Variants in DPP6 observed in about 807,000 individuals in gnomAD.
DPP6 encodes A-type potassium channel modulatory protein DPP6.
DPP6 carries 69 observed loss-of-function variants against 122.6 expected under a neutral mutation model. That is an observed-to-expected ratio of 0.56 (90% CI 0.46 to 0.69). The LOEUF is 0.69. Among genes scored for constraint, DPP6 ranks in the 30% least tolerant of loss-of-function variants. The probability of loss-of-function intolerance (pLI) is 0.00; values close to 1 mark genes in which losing one functional copy is unlikely to be tolerated. For missense variants in DPP6, 928 were observed against 1,116.9 expected (o/e 0.83, Z 2.41); for synonymous variants, 418 against 433.1 (o/e 0.97, Z 0.43).
At chr7:154,193,582 A>G (rs1211417214) in intron 1 of DPP6, among the ~76,000 whole-genome samples, 1 of 152,150 alleles carries the variant, frequency 6.6e-6, no homozygotes, top group East Asian at 1.9e-4. Context: ...CAGCACCTGC[A>G]GGTGAGAGGT....
the DPP6 span, among the ~76,000 whole-genome samples, chr7:153,798,163 C>T: frequency 2.6e-5 from 4 of 152,096 alleles, no homozygotes; most frequent in Non-Finnish European, 5.9e-5. Context: ...CTTAGAAGGG[C>T]GCTAATCCCA....
chr7:153,799,161 G>A, the DPP6 span, among the ~76,000 whole-genome samples: 3 of 152,246 alleles, frequency 2.0e-5, no homozygotes, highest in South Asian at 2.1e-4. Flanking sequence ...AGCTGCCAAC[G>A]GTATGAATGA....
chr7:154,267,964 C>T (rs1181345933), intron 1 of DPP6, among the ~76,000 whole-genome samples: 1 of 150,342 alleles, frequency 6.7e-6, no homozygotes, highest in Non-Finnish European at 1.5e-5. Flanking sequence ...AACACATATA[C>T]ACACGTATAT....
chr7:154,772,824 C>T, intron 9 of DPP6, 21 bp from the exon 10 acceptor site: 1 of 1,607,580 alleles, frequency 6.2e-7, no homozygotes, highest in Non-Finnish European at 8.5e-7. Flanking sequence ...GTTCATGTCT[C>T]TGCCCCTTTT....
chr7:154,614,293 A>G (rs1834094461), intron 5 of DPP6, among the ~76,000 whole-genome samples: 1 of 152,154 alleles, frequency 6.6e-6, no homozygotes. Context: ...GATTGGTTTA[A>G]TTATGGGAGG....
chr7:153,808,854 G>A, the DPP6 span, among the ~76,000 whole-genome samples: 642 of 152,150 alleles, frequency 4.2e-3, 13 homozygotes, highest in African/African-American at 0.014. Flanking sequence ...GAGCATGGGA[G>A]TGCAGTTATC....
chr7:153,802,009 A>G, the DPP6 span, among the ~76,000 whole-genome samples: 1 of 152,222 alleles, frequency 6.6e-6, no homozygotes, highest in Non-Finnish European at 1.5e-5. Context: ...AACTTTGGAA[A>G]GTCAAAATGA....
At chr7:154,361,603 CAAAA>C (rs34342809) in intron 1 of DPP6, among the ~76,000 whole-genome samples, 1 of 57,966 alleles carries the variant, frequency 1.7e-5, no homozygotes, top group African/African-American at 5.1e-5. Flanking sequence ...AATTGCTAGC[CAAAA>C]AAAAAAAAAA....
the DPP6 span, among the ~76,000 whole-genome samples, chr7:153,786,656 G>A: frequency 2.7e-5 from 4 of 149,390 alleles, no homozygotes; most frequent in South Asian, 2.2e-4. Context: ...GGAGAATGGC[G>A]TGAACCCGGG....
chr7:154,134,037 T>G (rs1214831492), intron 1 of DPP6, among the ~76,000 whole-genome samples: 1 of 151,600 alleles, frequency 6.6e-6, no homozygotes, highest in Admixed American at 6.6e-5. Flanking sequence ...AAAGGCTAAT[T>G]TGGTTTTCCA....
chr7:154,640,217 C>T (rs1835984043), intron 6 of DPP6, among the ~76,000 whole-genome samples: 1 of 151,730 alleles, frequency 6.6e-6, no homozygotes. Context: ...TGCACCACTG[C>T]ACTCCAGCCT....
chr7:153,975,058 A>G (rs1371199807), intron 1 of DPP6, among the ~76,000 whole-genome samples: 3 of 152,196 alleles, frequency 2.0e-5, no homozygotes, highest in Non-Finnish European at 4.4e-5. Context: ...TTTACTTAGC[A>G]AATACTAAAT....
intron 1 of DPP6, among the ~76,000 whole-genome samples, chr7:154,298,268 C>CTCCACACACACACACACA (rs1805671485): frequency 6.7e-5 from 10 of 150,338 alleles, no homozygotes; most frequent in Non-Finnish European, 1.5e-5. Context: ...CTCTCTCTCT[C>CTCCACACACACACACACA]CACACACACA....
chr7:154,798,993 G>A (rs776839552), intron 12 of DPP6, among the ~76,000 whole-genome samples: 13 of 152,086 alleles, frequency 8.5e-5, no homozygotes, highest in Non-Finnish European at 1.2e-4. Context: ...ATGAGTGAGG[G>A]AGACACATGG....
chr7:154,371,830 C>T (rs529025942), intron 1 of DPP6, among the ~76,000 whole-genome samples: 1 of 152,356 alleles, frequency 6.6e-6, no homozygotes, highest in East Asian at 1.9e-4. Flanking sequence ...ACCAAATCTA[C>T]ACAAACATGA....
At chr7:153,837,140 G>A in the DPP6 span, among the ~76,000 whole-genome samples, 1 of 152,176 alleles carries the variant, frequency 6.6e-6, no homozygotes, top group Non-Finnish European at 1.5e-5. Flanking sequence ...AAACCATGGG[G>A]GGTTAAATAG....
intron 6 of DPP6, among the ~76,000 whole-genome samples, chr7:154,640,511 T>C (rs1304195565): frequency 6.6e-6 from 1 of 152,202 alleles, no homozygotes; most frequent in African/African-American, 2.4e-5. Context: ...TCTTCCTCTT[T>C]GTCATAAGGC....
chr7:154,264,578 T>C (rs1247342668), intron 1 of DPP6, among the ~76,000 whole-genome samples: 1 of 152,014 alleles, frequency 6.6e-6, no homozygotes, highest in Non-Finnish European at 1.5e-5. Context: ...TGGTATAGAG[T>C]GAAGAGGGCC....
At chr7:153,938,778 T>C (rs1006910162) in intron 1 of DPP6, among the ~76,000 whole-genome samples, 1 of 152,150 alleles carries the variant, frequency 6.6e-6, no homozygotes, top group African/African-American at 2.4e-5. Context: ...AAAATTCACA[T>C]CCATAAAAGG....
Sources: gnomAD v4.1 joint callset for allele counts (sites outside exome capture counted in the v4.1 genomes callset) on GRCh38, gnomAD v4.1.1 for gene constraint, MANE v1.5 for transcripts, NCBI Gene and HGNC (gene_info 2026-07-23, HGNC 2026-07-21) for gene names.